The following NCOA1 variants were observed in gnomAD, a reference collection of about 807,000 sequenced individuals.
The protein encoded by NCOA1 is nuclear receptor coactivator 1.
NCOA1 carries 35 observed loss-of-function variants against 150.9 expected under a neutral mutation model. The ratio of observed to expected loss-of-function variants is 0.23; its 90% confidence interval spans 0.18 to 0.31. The LOEUF (loss-of-function observed/expected upper bound fraction) is 0.31. Among genes scored for constraint, NCOA1 ranks in the 10% least tolerant of loss-of-function variants. The pLI is 1.00. For missense variants in NCOA1, 1,491 were observed against 1,749.3 expected (o/e 0.85, Z 2.63); for synonymous variants, 590 against 630.0 (o/e 0.94, Z 0.95).
At chr2:24,725,891 A>G (rs1351589547) in intron 14 of NCOA1, among the ~76,000 whole-genome samples, 1 of 152,104 alleles carries the variant, frequency 6.6e-6, no homozygotes, top group Non-Finnish European at 1.5e-5. Flanking sequence ...TTCATTAATC[A>G]GTCCCTAAGT....
At chr2:24,665,964 A>G (rs765297556) in intron 6 of NCOA1, 49 bp downstream of exon 6, 1 of 1,138,004 alleles carries the variant, frequency 8.8e-7, no homozygotes, top group Admixed American at 3.0e-5. Context: ...TTATTAAGAC[A>G]TTTATAATAT....
At chr2:24,691,782 G>A in intron 9 of NCOA1, 122 bp downstream of exon 9, 2 of 910,962 alleles carry the variant, frequency 2.2e-6, no homozygotes, top group Non-Finnish European at 1.6e-6. Flanking sequence ...ATGTATCATA[G>A]TGGCTATTCC....
chr2:24,612,245 A>T (rs1485889437), intron 3 of NCOA1, among the ~76,000 whole-genome samples: 1 of 152,146 alleles, frequency 6.6e-6, no homozygotes, highest in Admixed American at 6.5e-5. Flanking sequence ...CCCCAATCTT[A>T]TACAGTTTCT....
intron 2 of NCOA1, among the ~76,000 whole-genome samples, chr2:24,570,145 C>T (rs1361021544): frequency 1.3e-5 from 2 of 148,524 alleles, no homozygotes; most frequent in Admixed American, 1.4e-4. Flanking sequence ...CACGTTCAAT[C>T]ATAATATCCA....
At chr2:24,717,928 T>C (rs1674133289) in intron 14 of NCOA1, among the ~76,000 whole-genome samples, 1 of 147,966 alleles carries the variant, frequency 6.8e-6, no homozygotes, top group African/African-American at 2.5e-5. Context: ...TTTTTGAGTC[T>C]CTCTGTTGCC....
At chr2:24,680,821 A>G (rs1390216805) in intron 7 of NCOA1, among the ~76,000 whole-genome samples, 1 of 152,190 alleles carries the variant, frequency 6.6e-6, no homozygotes, top group Non-Finnish European at 1.5e-5. Flanking sequence ...TTGAAAACAT[A>G]TACCATAAAT....
intron 1 of NCOA1, among the ~76,000 whole-genome samples, chr2:24,544,084 G>T (rs1352253542): frequency 6.6e-6 from 1 of 152,066 alleles, no homozygotes; most frequent in Admixed American, 6.6e-5. Flanking sequence ...AAAGATTTAG[G>T]CTTTGGTGGT....
At chr2:24,547,610 T>C (rs1000064433) in intron 1 of NCOA1, among the ~76,000 whole-genome samples, 1 of 152,106 alleles carries the variant, frequency 6.6e-6, no homozygotes, top group African/African-American at 2.4e-5. Context: ...AGATACAGCA[T>C]TGTATGGCAA....
intron 1 of NCOA1, among the ~76,000 whole-genome samples, chr2:24,512,066 CTG>C (rs1663957137): frequency 6.6e-6 from 1 of 152,126 alleles, no homozygotes; most frequent in East Asian, 1.9e-4. Flanking sequence ...TGTACCGAAA[CTG>C]TACTAACTTT....
intron 5 of NCOA1, among the ~76,000 whole-genome samples, chr2:24,659,814 A>G (rs1428320644): frequency 6.6e-6 from 1 of 152,116 alleles, no homozygotes; most frequent in African/African-American, 2.4e-5. Context: ...TCTACACACC[A>G]AATGTCAGTA....
At chr2:24,709,542 TTATG>T (rs1416252202) in intron 13 of NCOA1, among the ~76,000 whole-genome samples, 3 of 152,236 alleles carry the variant, frequency 2.0e-5, no homozygotes, top group Non-Finnish European at 4.4e-5. Context: ...TAAGAGTTCT[TTATG>T]TATGAGTCCT....
At chr2:24,621,707 A>G (rs1669174726) in intron 3 of NCOA1, among the ~76,000 whole-genome samples, 1 of 151,926 alleles carries the variant, frequency 6.6e-6, no homozygotes, top group Admixed American at 6.6e-5. Flanking sequence ...CTCAAACTCC[A>G]GACCTCGGGT....
chr2:24,671,291 G>T (rs1179951782), intron 6 of NCOA1, among the ~76,000 whole-genome samples: 2 of 152,070 alleles, frequency 1.3e-5, no homozygotes, highest in Non-Finnish European at 2.9e-5. Context: ...TTGTCCCTTG[G>T]TATGTGTGGG....
intron 15 of NCOA1, among the ~76,000 whole-genome samples, chr2:24,727,538 C>T (rs1282709446): frequency 6.6e-6 from 1 of 152,218 alleles, no homozygotes; most frequent in Non-Finnish European, 1.5e-5. Flanking sequence ...GCGTCTCATA[C>T]CTGCCAACCA....
chr2:24,641,559 G>T (rs780607474), intron 3 of NCOA1, among the ~76,000 whole-genome samples: 83 of 151,984 alleles, frequency 5.5e-4, no homozygotes, highest in Non-Finnish European at 1.1e-3. Context: ...GATTATGTTT[G>T]GTTATATGAA....
intron 7 of NCOA1, among the ~76,000 whole-genome samples, chr2:24,680,918 A>G (rs546178201): frequency 2.0e-5 from 3 of 152,236 alleles, no homozygotes; most frequent in Non-Finnish European, 2.9e-5. Context: ...ATGGAAAAGT[A>G]TATCATTGGA....
intron 3 of NCOA1, among the ~76,000 whole-genome samples, chr2:24,598,152 C>G (rs955594684): frequency 1.3e-5 from 2 of 152,174 alleles, no homozygotes. Flanking sequence ...TGAATCTCAT[C>G]TAAAGAATAC....
chr2:24,707,408 G>A lies in NCOA1; in HGVS notation c.1938G>A (p.Arg646=). Residue 646 remains arginine (R), a synonymous_variant, in exon 13 of 23, where the codon CGG becomes CGA. Coordinates refer to ENST00000348332, the MANE Select transcript of NCOA1 (RefSeq NM_003743.5). The part of the protein sequence containing the change: ...LLTTTAEQQL[R]HADIDTSCKD... ...CAACAACTGCCGAACAGCAGTTACG[G>A]CATGCTGATATAGACACAAGCTGCA... 1.2e-6 allele frequency: 2 copies of A among 1,614,168 alleles called. No homozygotes were observed. Among genetic ancestry groups the A allele is most frequent in the Non-Finnish European group, 1.7e-6 (2 of 1,180,032 alleles).
chr2:24,592,738 T>C (rs1039500415), intron 3 of NCOA1, among the ~76,000 whole-genome samples: 19 of 151,946 alleles, frequency 1.3e-4, no homozygotes, highest in Non-Finnish European at 2.1e-4. Context: ...GAGGTTTTTT[T>C]CCCCCCTGTT....
Sources: gnomAD v4.1 joint callset for allele counts (sites outside exome capture counted in the v4.1 genomes callset) on GRCh38, gnomAD v4.1.1 for gene constraint, MANE v1.5 for transcripts, NCBI Gene and HGNC (gene_info 2026-07-23, HGNC 2026-07-21) for gene names.